The following CTNND2 variants were observed in gnomAD, a reference collection of about 807,000 sequenced individuals.
The protein encoded by CTNND2 is catenin delta 2.
A neutral mutation model predicts 144.4 loss-of-function variants in CTNND2; 22 were observed. The ratio of observed to expected loss-of-function variants is 0.15; its 90% CI spans 0.11 to 0.22. CTNND2 has a LOEUF of 0.22. Ranked by LOEUF, CTNND2 falls within the 10% of genes least tolerant of loss-of-function variation. The pLI is 1.00. For missense variants in CTNND2, 1,353 were observed against 1,618.8 expected, an observed-to-expected ratio of 0.84 and a Z score of 2.82; for synonymous variants, 751 against 695.6, an observed-to-expected ratio of 1.08 and a Z score of -1.25.
At chr5:11,850,925 G>C (rs1431834617) in intron 1 of CTNND2, among the ~76,000 whole-genome samples, 2 of 152,176 alleles carry the variant, frequency 1.3e-5, no homozygotes, top group African/African-American at 4.8e-5. Flanking sequence ...TGCTGTGAAG[G>C]TGTTTGTGAA....
intron 2 of CTNND2, among the ~76,000 whole-genome samples, chr5:11,677,291 C>T (rs553420202): frequency 6.6e-6 from 1 of 152,324 alleles, no homozygotes; most frequent in Non-Finnish European, 1.5e-5. Flanking sequence ...AGGGCAAACA[C>T]TGAGCTGTAA....
Position 11,126,185 on chromosome 5 carries a change from CAG to C in CTNND2, c.2160-8620_2160-8619del, listed in dbSNP as rs1230732100. Among the ~76,000 whole-genome samples the C allele has an allele frequency of 1.1e-4, 17 of 152,266 alleles. No homozygotes were observed. In the East Asian group the frequency reaches 3.1e-3, roughly 28 times the overall value. On this transcript the variant is annotated intron_variant, in intron 12 of 21. Transcript: ENST00000304623. ...GCGTGGTGGCACATGCCTGCAATCC[CAG>C]CTACTTGGGAGGCTGAGGCAGGAGA...
intron 11 of CTNND2, among the ~76,000 whole-genome samples, chr5:11,166,292 A>T (rs1759322010): frequency 7.2e-6 from 1 of 139,106 alleles, no homozygotes; most frequent in South Asian, 2.3e-4. Context: ...TCTGTCACCC[A>T]GGCTGGAGTG....
chr5:11,343,582 G>GT (rs1281557521), intron 9 of CTNND2, among the ~76,000 whole-genome samples: 1 of 152,014 alleles, frequency 6.6e-6, no homozygotes, highest in African/African-American at 2.4e-5. Context: ...AAATAAAAAT[G>GT]TTCGTGCCAA....
chr5:11,595,371 G>C (rs940554787), intron 2 of CTNND2, among the ~76,000 whole-genome samples: 1 of 152,188 alleles, frequency 6.6e-6, no homozygotes, highest in Non-Finnish European at 1.5e-5. Context: ...TAAGAGACTA[G>C]ATGTATATGT....
chr5:11,425,018 A>T (rs1303843793), intron 3 of CTNND2, among the ~76,000 whole-genome samples: 1 of 152,232 alleles, frequency 6.6e-6, no homozygotes, highest in Non-Finnish European at 1.5e-5. Context: ...ATTGCCAATC[A>T]GAGACAAGAA....
At chr5:11,721,939 G>T (rs1661349546) in intron 2 of CTNND2, among the ~76,000 whole-genome samples, 1 of 152,196 alleles carries the variant, frequency 6.6e-6, no homozygotes, top group African/African-American at 2.4e-5. Flanking sequence ...TCACAAGAAG[G>T]ATGGGAGACA....
chr5:11,254,340 T>C (rs1289244622), intron 9 of CTNND2, among the ~76,000 whole-genome samples: 5 of 152,218 alleles, frequency 3.3e-5, no homozygotes, highest in Non-Finnish European at 5.9e-5. Flanking sequence ...ATCCTGGCTG[T>C]GGTTCTCAGG....
chr5:11,189,545 T>G (rs1736029549), intron 11 of CTNND2, among the ~76,000 whole-genome samples: 1 of 152,226 alleles, frequency 6.6e-6, no homozygotes, highest in African/African-American at 2.4e-5. Flanking sequence ...TTCCTTATAA[T>G]TTTCTTAATA....
intron 3 of CTNND2, among the ~76,000 whole-genome samples, chr5:11,551,401 T>C (rs1397084187): frequency 6.6e-6 from 1 of 151,546 alleles, no homozygotes; most frequent in Non-Finnish European, 1.5e-5. Flanking sequence ...TATTTTATCA[T>C]GTTTTAGCAT....
At chr5:11,178,513 G>C (rs1416125496) in intron 11 of CTNND2, among the ~76,000 whole-genome samples, 1 of 152,182 alleles carries the variant, frequency 6.6e-6, no homozygotes, top group Non-Finnish European at 1.5e-5. Context: ...GAGAGGCAGA[G>C]ATGATACAAC....
chr5:11,820,944 T>C (rs1032392981), intron 1 of CTNND2, among the ~76,000 whole-genome samples: 1 of 152,238 alleles, frequency 6.6e-6, no homozygotes, highest in Non-Finnish European at 1.5e-5. Context: ...TTCAGAGGGA[T>C]TGACAATTCA....
At chr5:11,184,832 A>G (rs984569523) in intron 11 of CTNND2, among the ~76,000 whole-genome samples, 1 of 152,168 alleles carries the variant, frequency 6.6e-6, no homozygotes, top group African/African-American at 2.4e-5. Flanking sequence ...AAGGCCCTTA[A>G]CTTCTAGAAG....
rs575359968 is a variant in CTNND2 at position 11,371,687 on chromosome 5, C to T, written c.1178-6797G>A. Among the ~76,000 whole-genome samples the T allele has an allele frequency of 2.0e-5, 3 of 152,296 alleles. No individual in the cohort carries two copies. In the South Asian group the frequency reaches 6.2e-4, roughly 32 times the overall value. ...TTTTCCTATGTATTCTGAATCAAGC[C>T]TATCAACTGAATTTCATTTGCAAAT... On this transcript the variant is annotated intron_variant, in intron 7 of 21. Transcript: ENST00000304623.
chr5:11,422,569 T>G (rs1409686150), intron 3 of CTNND2, among the ~76,000 whole-genome samples: 1 of 152,224 alleles, frequency 6.6e-6, no homozygotes, highest in African/African-American at 2.4e-5. Context: ...GCGACTCCTG[T>G]GTTTATCACA....
intron 2 of CTNND2, among the ~76,000 whole-genome samples, chr5:11,717,804 AT>A (rs1022354310): frequency 2.0e-5 from 3 of 152,102 alleles, no homozygotes; most frequent in Non-Finnish European, 4.4e-5. Context: ...TGGGAACAGT[AT>A]GGGGGAAACT....
At chr5:11,114,936 C>G (rs1193913668) in intron 13 of CTNND2, among the ~76,000 whole-genome samples, 1 of 151,790 alleles carries the variant, frequency 6.6e-6, no homozygotes, top group Non-Finnish European at 1.5e-5. Context: ...AGTGAAGCAC[C>G]TGCTGAGTAA....
chr5:11,157,245 C>T (rs561472233), intron 12 of CTNND2, among the ~76,000 whole-genome samples: 3 of 152,320 alleles, frequency 2.0e-5, no homozygotes, highest in African/African-American at 7.2e-5. Context: ...TGGTGCATCT[C>T]AAACTCCTCT....
intron 2 of CTNND2, among the ~76,000 whole-genome samples, chr5:11,603,580 AT>A (rs555701519): frequency 2.6e-5 from 4 of 152,296 alleles, no homozygotes; most frequent in Non-Finnish European, 5.9e-5. Context: ...AGTTTGCTAC[AT>A]TCAGCCTTAT....
Sources: allele counts gnomAD v4.1 joint callset (sites outside exome capture counted in the v4.1 genomes callset), GRCh38; gene constraint gnomAD v4.1.1; transcripts MANE v1.5; gene names NCBI Gene and HGNC (gene_info 2026-07-23, HGNC 2026-07-21).